SLC30A4: variants seen among roughly 807,000 people sequenced by gnomAD.
SLC30A4 encodes solute carrier family 30 member 4.
In SLC30A4, 20 loss-of-function variants were observed where a neutral mutation model predicts 41.7. The ratio of observed to expected loss-of-function variants is 0.48; its 90% CI spans 0.34 to 0.70. The LOEUF (loss-of-function observed/expected upper bound fraction) is 0.70. SLC30A4 is among the 30% of genes least tolerant of loss of function. The pLI is 0.01. For missense variants in SLC30A4, 441 were observed against 529.3 expected, an observed-to-expected ratio of 0.83 and a Z score of 1.64; for synonymous variants, 181 against 195.9, an observed-to-expected ratio of 0.92 and a Z score of 0.64.
intron 2 of SLC30A4, among the ~76,000 whole-genome samples, chr15:45,512,912 G>C (rs758205695): frequency 2.6e-5 from 4 of 152,104 alleles, no homozygotes; most frequent in Non-Finnish European, 5.9e-5. Context: ...AGAACTGCTT[G>C]AGTGTAAGAG....
At chr15:45,500,824 A>G (rs1308335031) in intron 3 of SLC30A4, among the ~76,000 whole-genome samples, 2 of 151,868 alleles carry the variant, frequency 1.3e-5, no homozygotes, top group African/African-American at 4.8e-5. Flanking sequence ...CTGGGATTAT[A>G]GGCGGCCGCC....
rs562439466 is a variant in SLC30A4 at position 45,517,375 on chromosome 15, T to C, written c.391+4589A>G. Among the ~76,000 whole-genome samples, 185 of 121,498 alleles carry C rather than the reference T, an allele frequency of 1.5e-3. 5 individuals carry two copies. The East Asian group carries it at 0.043, about 28-fold the overall frequency. 79.7% of individuals were successfully genotyped at this position (121,498 alleles called of 152,430 possible). A position where few individuals can be genotyped will look rare whatever the true frequency, so the allele number is the denominator to read the frequency against. On this transcript the variant is annotated intron_variant, in intron 2 of 7. Coordinates refer to ENST00000261867, the MANE Select transcript of SLC30A4 (RefSeq NM_013309.6). ...TTTTTTTTTTTTTTTTTTTTTGAGA[T>C]GGAGTTTTGCTCTTGTTGCCCAGGC...
chr15:45,507,014 T>C (rs759102407), intron 3 of SLC30A4, among the ~76,000 whole-genome samples: 9 of 152,146 alleles, frequency 5.9e-5, no homozygotes, highest in Non-Finnish European at 8.8e-5. Context: ...AGTTCTATTT[T>C]TCTGAGGTTC....
intron 2 of SLC30A4, among the ~76,000 whole-genome samples, chr15:45,521,617 C>G (rs1449910588): frequency 6.6e-6 from 1 of 151,960 alleles, no homozygotes; most frequent in African/African-American, 2.4e-5. Context: ...AAGTTATTTA[C>G]GATCATTTAC....
At chr15:45,493,475 CA>C (rs376766926) in intron 3 of SLC30A4, among the ~76,000 whole-genome samples, 1 of 151,962 alleles carries the variant, frequency 6.6e-6, no homozygotes, top group African/African-American at 2.4e-5. Context: ...AATTATAACA[CA>C]AAAAAATTAT....
At chr15:45,492,475 G>A (rs1297575504) in intron 3 of SLC30A4, among the ~76,000 whole-genome samples, 2 of 152,018 alleles carry the variant, frequency 1.3e-5, no homozygotes, top group African/African-American at 4.8e-5. Context: ...TACCATAAAT[G>A]CATATTACCT....
In SLC30A4 at chr15:45,484,358, C is replaced by T. The variant is rs1891658741; in HGVS notation, c.*805G>A. On this transcript the variant is annotated 3_prime_UTR_variant, in exon 8 of 8. Coordinates refer to ENST00000261867, the MANE Select transcript of SLC30A4 (RefSeq NM_013309.6). Reference sequence around the variant, plus strand: ...GTCGGGAAGACATAAACCTGAAACTCCAACCCCCATCCTCGCTCTTTTATT... The same window carrying T: ...GTCGGGAAGACATAAACCTGAAACTTCAACCCCCATCCTCGCTCTTTTATT... 6.6e-6 allele frequency: 1 copy of T among 152,166 alleles called. No individual in the cohort carries two copies. Among genetic ancestry groups the T allele is most frequent in the Non-Finnish European group, 1.5e-5 (1 of 68,036 alleles). The allele number at this position is 152,166 out of a possible 1,614,324, so 9.4% of individuals were successfully genotyped here. A position where few individuals can be genotyped will look rare whatever the true frequency, so the allele number is the denominator to read the frequency against.
At chr15:45,517,070 C>T (rs1327630010) in intron 2 of SLC30A4, among the ~76,000 whole-genome samples, 3 of 152,006 alleles carry the variant, frequency 2.0e-5, no homozygotes, top group Admixed American at 6.6e-5. Context: ...GTTACCAAAT[C>T]CAAAGGATGT....
chr15:45,483,033 C>G lies in SLC30A4; in HGVS notation c.*2130G>C, dbSNP rs1358619244. 1 of 152,256 alleles carries G rather than the reference C, an allele frequency of 6.6e-6. No homozygotes were observed. Among genetic ancestry groups the G allele is most frequent in the South Asian group, 2.1e-4 (1 of 4,818 alleles). The allele number at this position is 152,256 out of a possible 1,614,324, so 9.4% of individuals were successfully genotyped here. A position where few individuals can be genotyped will look rare whatever the true frequency, so the allele number is the denominator to read the frequency against. On this transcript the variant is annotated 3_prime_UTR_variant, in exon 8 of 8. Coordinates refer to ENST00000261867, the MANE Select transcript of SLC30A4 (RefSeq NM_013309.6). ...TCTTGGCCTCGAGGGATACTTCCAC[C>G]TTTGCCTCCCCAAATGCTGAGATTA...
intron 3 of SLC30A4, among the ~76,000 whole-genome samples, chr15:45,507,186 G>A (rs754502378): frequency 2.0e-5 from 3 of 151,766 alleles, no homozygotes; most frequent in South Asian, 2.1e-4. Flanking sequence ...CATGAGTGGC[G>A]GCGGGCCCCT....
rs1892673019 is a variant in SLC30A4, at chr15:45,521,747, C to T, written c.391+217G>A. ...TTTACGGTAGATGACAGTGGTTGAA[C>T]AACTAGAAGAGAAAGTCAAAGTTAT... On this transcript the variant is annotated intron_variant, in intron 2 of 7. Coordinates refer to ENST00000261867, the MANE Select transcript of SLC30A4 (RefSeq NM_013309.6). The T allele has an allele frequency of 9.8e-6, 5 of 512,814 alleles. No homozygotes were observed. The South Asian group carries it at 1.4e-4, about 15-fold the overall frequency. 31.8% of individuals were successfully genotyped at this position (512,814 alleles called of 1,614,324 possible).
Position 45,490,769 on chromosome 15 carries a change from T to TA in SLC30A4, c.650dup (p.Met218AsnfsTer12). On this transcript the variant is annotated frameshift_variant, in exon 4 of 8. Coordinates refer to ENST00000261867, the MANE Select transcript of SLC30A4 (RefSeq NM_013309.6). LOFTEE classifies it high-confidence loss of function. ...CTCCAACAGCTGCGGTGATGAGCAT[T>TA]ATATCTCCATTTATTTCATAGTTCA... The TA allele has an allele frequency of 6.2e-7, 1 of 1,610,508 alleles. No homozygotes were observed. The highest frequency in any genetic ancestry group is 8.5e-7 in the Non-Finnish European group (1 of 1,178,162).
intron 3 of SLC30A4, among the ~76,000 whole-genome samples, chr15:45,500,620 CTAT>C (rs1892003278): frequency 3.6e-5 from 3 of 84,058 alleles, no homozygotes; most frequent in Admixed American, 3.5e-4. Flanking sequence ...GTCTGTCTAT[CTAT>C]CTATCTATCT....
rs112499919 is a variant in SLC30A4 at position 45,501,493 on chromosome 15, C to T, written c.538+9645G>A. ...TGCCCTTATTTATTCAGCCTGAATA[C>T]GCAAATTTATGTTTTTGTCTTGTTT... On this transcript the variant is annotated intron_variant, in intron 3 of 7. Transcript: ENST00000261867. 9.1e-4 allele frequency among the ~76,000 whole-genome samples: 139 copies of T among 152,132 alleles called. 1 individual carries two copies. The highest frequency in any genetic ancestry group is 2.3e-3 in the African/African-American group (97 of 41,514).
intron 4 of SLC30A4, 60 bp from the exon 5 acceptor site, chr15:45,489,102 C>T: frequency 1.7e-6 from 2 of 1,189,268 alleles, no homozygotes; most frequent in African/African-American, 1.5e-5. Flanking sequence ...ACATTTGTCA[C>T]TAGTCAGACA....
chr15:45,492,014 G>A (rs901530849), intron 3 of SLC30A4, among the ~76,000 whole-genome samples: 3 of 152,158 alleles, frequency 2.0e-5, no homozygotes, highest in African/African-American at 4.8e-5. Flanking sequence ...ATAATAGCCA[G>A]AGTTAGCAAG....
At chr15:45,517,517 C>A (rs1347159910) in intron 2 of SLC30A4, among the ~76,000 whole-genome samples, 1 of 151,570 alleles carries the variant, frequency 6.6e-6, no homozygotes, top group Non-Finnish European at 1.5e-5. Flanking sequence ...CCATGCCTGG[C>A]TAATTTTGTA....
intron 2 of SLC30A4, among the ~76,000 whole-genome samples, chr15:45,521,257 G>C (rs1347593181): frequency 6.6e-6 from 1 of 152,138 alleles, no homozygotes. Flanking sequence ...CGGATTGTTC[G>C]TATAATTAAA....
chr15:45,486,836 G>A, intron 6 of SLC30A4, 91 bp from the exon 7 acceptor site: 6 of 683,280 alleles, frequency 8.8e-6, no homozygotes, highest in Non-Finnish European at 1.2e-5. Flanking sequence ...GAAAACAAAT[G>A]GCTTTGCTAA....
Sources: gnomAD v4.1 joint callset for allele counts (sites outside exome capture counted in the v4.1 genomes callset) on GRCh38, gnomAD v4.1.1 for gene constraint, MANE v1.5 for transcripts, NCBI Gene and HGNC (gene_info 2026-07-23, HGNC 2026-07-21) for gene names.